ZSCAN21: variants seen among roughly 807,000 people sequenced by gnomAD.
The protein encoded by ZSCAN21 is zinc finger and SCAN domain containing 21, also known as zinc finger and SCAN domain-containing protein 21.
Under a neutral mutation model 35.6 loss-of-function variants are expected in ZSCAN21, and 26 were observed. The ratio of observed to expected loss-of-function variants is 0.73; its 90% CI spans 0.54 to 1.01. The LOEUF is 1.01. Among genes scored for constraint, ZSCAN21 ranks in the 50% least tolerant of loss-of-function variants. The pLI is 0.00. For synonymous variants in ZSCAN21, 219 were observed against 219.3 expected, an observed-to-expected ratio of 1.00 and a Z score of 0.01; for missense variants, 593 against 587.1, an observed-to-expected ratio of 1.01 and a Z score of -0.10.
intron 3 of ZSCAN21, among the ~76,000 whole-genome samples, 153 bp from the exon 4 acceptor site, chr7:100,063,635 G>T (rs1021528269): frequency 6.6e-6 from 1 of 151,990 alleles, no homozygotes; most frequent in Non-Finnish European, 1.5e-5. Flanking sequence ...TAGATTGGAT[G>T]CTGATTTACT....
Position 100,053,957 on chromosome 7 carries a change from C to T in ZSCAN21, c.-96-2954C>T, listed in dbSNP as rs1389876077. Among the ~76,000 whole-genome samples, 6 of 152,092 alleles carry T rather than the reference C, an allele frequency of 3.9e-5. No homozygotes were observed. In the South Asian group the frequency reaches 1.0e-3, roughly 26 times the overall value. On this transcript the variant is annotated intron_variant, in intron 1 of 3. Coordinates refer to ENST00000292450, the MANE Select transcript of ZSCAN21 (RefSeq NM_145914.3). ...TCCTGGCCTCAAGTGATCCGCCTGC[C>T]TTGGCCTCCAGAAGTGCTGGGATTA...
chr7:100,057,175 C>A lies in ZSCAN21; in HGVS notation c.169C>A (p.Pro57Thr), dbSNP rs1210507909. 6.2e-7 allele frequency: 1 copy of A among 1,613,926 alleles called. No individual in the cohort carries two copies. The highest frequency in any genetic ancestry group is 8.5e-7 in the Non-Finnish European group (1 of 1,180,010). Reference protein sequence around the residue: ...RFRQFGYHDTPGPREALSQLR... With the variant: ...RFRQFGYHDTTGPREALSQLR... The stretch of plus-strand genomic sequence containing the variant: ...CAGGCAGTTTGGGTACCATGATACC[C>A]CTGGACCCCGAGAGGCCCTGAGCCA... The change falls in exon 2 of 4, where the codon CCT (proline) becomes ACT (threonine). Residue 57 changes from proline (P) to threonine (T), a missense_variant. Pro to Thr is a conservative substitution (Grantham distance 38, BLOSUM62 -1). Transcript: ENST00000292450.
intron 1 of ZSCAN21, among the ~76,000 whole-genome samples, chr7:100,056,041 C>T (rs1402257952): frequency 2.0e-5 from 3 of 151,588 alleles, no homozygotes; most frequent in Non-Finnish European, 4.4e-5. Flanking sequence ...CCCGGGTTCA[C>T]ACCATTCTCC....
chr7:100,063,125 A>T (rs1322433920), intron 3 of ZSCAN21, among the ~76,000 whole-genome samples: 1 of 152,054 alleles, frequency 6.6e-6, no homozygotes, highest in Non-Finnish European at 1.5e-5. Flanking sequence ...GAACTCCCAG[A>T]CTCAAGCCAT....
intron 3 of ZSCAN21, among the ~76,000 whole-genome samples, chr7:100,061,866 C>CA (rs1394044309): frequency 3.3e-4 from 50 of 152,316 alleles, no homozygotes; most frequent in African/African-American, 1.2e-3. Flanking sequence ...TCCCATTTTT[C>CA]AGAGCGAATT....
chr7:100,053,550 T>TG (rs1226213659), intron 1 of ZSCAN21, among the ~76,000 whole-genome samples: 4 of 35,396 alleles, frequency 1.1e-4, no homozygotes, highest in Admixed American at 5.0e-4. Context: ...TACATAATTT[T>TG]TTTTTTTTTT....
chr7:100,050,035 G>T (rs1160359354), intron 1 of ZSCAN21, among the ~76,000 whole-genome samples, 194 bp downstream of exon 1: 2 of 152,222 alleles, frequency 1.3e-5, no homozygotes, highest in East Asian at 1.9e-4. Flanking sequence ...TGCCTGGAAA[G>T]CCTTTTCTTC....
chr7:100,054,648 G>A (rs1792009335), intron 1 of ZSCAN21, among the ~76,000 whole-genome samples: 1 of 151,492 alleles, frequency 6.6e-6, no homozygotes. Context: ...TTTGCTTCCT[G>A]ATGTCTTAAT....
At position 100,064,981 on chromosome 7, in the gene ZSCAN21, A is replaced by C; in HGVS notation, c.*364A>C. ...TATTCAAGAATTTTAATTTGTAAAG[A>C]ATTGAGCCACATTGAACACAATTGA... On this transcript the variant is annotated 3_prime_UTR_variant, in exon 4 of 4. Coordinates refer to ENST00000292450, the MANE Select transcript of ZSCAN21 (RefSeq NM_145914.3). 2 of 1,586,590 alleles carry C rather than the reference A, an allele frequency of 1.3e-6. No individual in the cohort carries two copies. The highest frequency in any genetic ancestry group is 1.7e-6 in the Non-Finnish European group (2 of 1,160,726).
At chr7:100,059,376 T>C (rs1001500607) in intron 3 of ZSCAN21, among the ~76,000 whole-genome samples, 2 of 152,168 alleles carry the variant, frequency 1.3e-5, no homozygotes, top group East Asian at 3.8e-4. Context: ...TCAGTTTTAT[T>C]TTCCATATCT....
chr7:100,058,876 G>C (rs1422578062), intron 3 of ZSCAN21, among the ~76,000 whole-genome samples: 1 of 152,030 alleles, frequency 6.6e-6, no homozygotes, highest in Admixed American at 6.5e-5. Flanking sequence ...TTATTTTTTT[G>C]TACAGACAGG....
chr7:100,055,357 C>A (rs1562844516), intron 1 of ZSCAN21, among the ~76,000 whole-genome samples: 4 of 151,476 alleles, frequency 2.6e-5, no homozygotes, highest in Admixed American at 2.0e-4. Context: ...CTCTGCCTCC[C>A]ATGTTCAGGG....
chr7:100,061,027 C>G (rs1049939212), intron 3 of ZSCAN21, among the ~76,000 whole-genome samples: 1 of 151,782 alleles, frequency 6.6e-6, no homozygotes, highest in Non-Finnish European at 1.5e-5. Flanking sequence ...GATTGCACCA[C>G]TGCACTCCAG....
rs1182093052 is a variant in ZSCAN21 at position 100,057,679 on chromosome 7, C to T, written c.400-19C>T. On this transcript the variant is annotated intron_variant, in intron 2 of 3. Coordinates refer to ENST00000292450, the MANE Select transcript of ZSCAN21 (RefSeq NM_145914.3). Reference sequence around the variant, plus strand: ...AAAGTGAGCCATGCACAAACCTAGCCATTCCTGATTGTCTCTAGGTCTCAA... The same window carrying T: ...AAAGTGAGCCATGCACAAACCTAGCTATTCCTGATTGTCTCTAGGTCTCAA... 1 of 1,592,434 alleles carries T rather than the reference C, an allele frequency of 6.3e-7. No individual in the cohort carries two copies. Among genetic ancestry groups the T allele is most frequent in the Admixed American group, 1.7e-5 (1 of 57,216 alleles).
intron 3 of ZSCAN21, among the ~76,000 whole-genome samples, chr7:100,062,312 C>T (rs1584382449): frequency 6.9e-6 from 1 of 144,044 alleles, no homozygotes. Context: ...TTTAAAGGGC[C>T]GGGTGTGGTG....
Position 100,064,193 on chromosome 7 carries a change from A to G in ZSCAN21, c.998A>G (p.Tyr333Cys), listed in dbSNP as rs1448604857. 1.9e-6 allele frequency: 3 copies of G among 1,614,006 alleles called. No homozygotes were observed. Among genetic ancestry groups the G allele is most frequent in the African/African-American group, 1.3e-5 (1 of 74,904 alleles). The change falls in exon 4 of 4, where the codon TAT becomes TGT. Residue 333 changes from tyrosine (Y) to cysteine (C), a missense_variant. Coordinates refer to ENST00000292450, the MANE Select transcript of ZSCAN21 (RefSeq NM_145914.3). Reference sequence around the variant, plus strand: ...AGAACACACTTGGTGGACCGGCCCTATGACTGTAAGTGTGGAAAAGCTTTT... The same window carrying G: ...AGAACACACTTGGTGGACCGGCCCTGTGACTGTAAGTGTGGAAAAGCTTTT... ...HYRTHLVDRP[Y>C]DCKCGKAFGQ...
chr7:100,057,105 G>A lies in ZSCAN21; in HGVS notation c.99G>A (p.Glu33=). Residue 33 remains glutamate (E), a synonymous_variant, in exon 2 of 4, where the codon GAG becomes GAA. Coordinates refer to ENST00000292450, the MANE Select transcript of ZSCAN21 (RefSeq NM_145914.3). The part of the protein sequence containing the change: ...PLMVKVEEKE[E]KGKYLPSLEM... ...TGGTAAAAGTCGAGGAGAAAGAAGAGAAAGGCAAGTACCTTCCTAGCCTGG... is the reference window on the plus strand; with the variant it reads ...TGGTAAAAGTCGAGGAGAAAGAAGAAAAAGGCAAGTACCTTCCTAGCCTGG... The A allele has an allele frequency of 6.2e-7, 1 of 1,614,156 alleles. No individual in the cohort carries two copies. Among genetic ancestry groups the A allele is most frequent in the Non-Finnish European group, 8.5e-7 (1 of 1,180,038 alleles).
At chr7:100,053,193 A>C (rs971923735) in intron 1 of ZSCAN21, among the ~76,000 whole-genome samples, 9 of 151,994 alleles carry the variant, frequency 5.9e-5, no homozygotes, top group African/African-American at 2.2e-4. Context: ...TACCCAGCCA[A>C]CTGCCCAGCA....
chr7:100,063,202 CAT>C (rs1459244123), intron 3 of ZSCAN21, among the ~76,000 whole-genome samples: 2 of 152,248 alleles, frequency 1.3e-5, no homozygotes, highest in Non-Finnish European at 2.9e-5. Flanking sequence ...CTACCACTCT[CAT>C]ATGCTGCATT....
Sources: gnomAD v4.1 joint callset for allele counts (sites outside exome capture counted in the v4.1 genomes callset) on GRCh38, gnomAD v4.1.1 for gene constraint, MANE v1.5 for transcripts, NCBI Gene and HGNC (gene_info 2026-07-23, HGNC 2026-07-21) for gene names.